Variants in KCNQ1 observed in about 807,000 individuals in gnomAD.
KCNQ1 encodes the protein potassium voltage-gated channel subfamily Q member 1, also known as potassium voltage-gated channel subfamily KQT member 1.
In KCNQ1, 49 loss-of-function variants were observed where a neutral mutation model predicts 72.4. That is an observed-to-expected ratio of 0.68 (90% CI 0.54 to 0.86). KCNQ1 has a LOEUF of 0.86. KCNQ1 is among the 40% of genes least tolerant of loss of function. The probability of loss-of-function intolerance (pLI) is 0.00; values close to 1 mark genes in which losing one functional copy is unlikely to be tolerated. For synonymous variants in KCNQ1, 450 were observed against 412.6 expected (o/e 1.09, Z -1.10); for missense variants, 790 against 945.1 (o/e 0.84, Z 2.15).
intron 15 of KCNQ1, among the ~76,000 whole-genome samples, chr11:2,804,912 CA>C (rs1369287913): frequency 2.0e-5 from 3 of 152,342 alleles, no homozygotes; most frequent in Non-Finnish European, 2.9e-5. Flanking sequence ...TGGCTCAGGT[CA>C]CCGGAACATG....
rs530399115 is a variant in KCNQ1 at position 2,746,200 on chromosome 11, A to AT, written c.1515-22636dup. ...GCACCATGCCCAGCCTCTTGCCGTC[A>AT]TTTTTTTTATTTTAAATAAACTTTG... On this transcript the variant is annotated intron_variant, in intron 11 of 15. Coordinates refer to ENST00000155840, the MANE Select transcript of KCNQ1 (RefSeq NM_000218.3). This position sits in a 1 kb window ranked among gnomAD's most constrained non-coding sequence, Gnocchi z 5.9. Among the ~76,000 whole-genome samples the AT allele has an allele frequency of 2.5e-3, 386 of 152,114 alleles. 2 individuals are homozygous for AT. Among genetic ancestry groups the AT allele is most frequent in the African/African-American group, 8.9e-3 (370 of 41,502 alleles).
intron 11 of KCNQ1, chr11:2,681,206 G>T (rs140575225): frequency 5.0e-6 from 2 of 398,484 alleles, no homozygotes; most frequent in African/African-American, 2.1e-5. Flanking sequence ...CAGTGTTTGT[G>T]TTCTATGAAG....
chr11:2,496,535 G>A (rs1303166775), intron 1 of KCNQ1, among the ~76,000 whole-genome samples: 3 of 18,052 alleles, frequency 1.7e-4, no homozygotes, highest in Non-Finnish European at 3.7e-4. Flanking sequence ...TCCATTGCTT[G>A]GTAAATATTC....
Position 2,493,371 on chromosome 11 carries a change from A to T in KCNQ1, c.387-34557A>T, listed in dbSNP as rs922330277. Among the ~76,000 whole-genome samples, 2 of 151,814 alleles carry T rather than the reference A, an allele frequency of 1.3e-5. No individual in the cohort carries two copies. The highest frequency in any genetic ancestry group is 2.9e-5 in the Non-Finnish European group (2 of 67,928). ...TTAGTTTAATTAGATCCCATTTGTC[A>T]ATTTTGGCTTTTGTTGCAATTGCTC... On this transcript the variant is annotated intron_variant, in intron 1 of 15. Transcript: ENST00000155840. The surrounding 1 kb of genome is among the most constrained non-coding windows in gnomAD (Gnocchi z 5.3).
intron 10 of KCNQ1, chr11:2,614,171 C>A: frequency 5.0e-6 from 2 of 398,536 alleles, no homozygotes; most frequent in Non-Finnish European, 8.8e-6. Context: ...GAATCTACCC[C>A]CAAGAGGTGA....
chr11:2,695,669 G>A lies in KCNQ1; in HGVS notation c.1514+33588G>A, dbSNP rs1179725638. 2.5e-6 allele frequency: 1 copy of A among 398,488 alleles called. No homozygotes were observed. The highest frequency in any genetic ancestry group is 2.1e-5 in the African/African-American group (1 of 48,612). The allele number at this position is 398,488 out of a possible 1,614,324, so 24.7% of individuals were successfully genotyped here. ...GGTATAAAATATTTTATTTGAGGAA[G>A]AAGTGTTGGCCAGCTCTTCAGAACG... On this transcript the variant is annotated intron_variant, in intron 11 of 15. Coordinates refer to ENST00000155840, the MANE Select transcript of KCNQ1 (RefSeq NM_000218.3). The surrounding 1 kb of genome is among the most constrained non-coding windows in gnomAD (Gnocchi z 5.2).
chr11:2,489,403 G>A (rs577540419), intron 1 of KCNQ1, among the ~76,000 whole-genome samples: 1 of 152,324 alleles, frequency 6.6e-6, no homozygotes, highest in African/African-American at 2.4e-5. Context: ...CAGAAACTGA[G>A]TTCCAGAAAA....
rs1057277528 is a variant in KCNQ1, at chr11:2,495,298, T to A, written c.387-32630T>A. Among the ~76,000 whole-genome samples the A allele has an allele frequency of 6.6e-6, 1 of 152,202 alleles. No homozygotes were observed. On this transcript the variant is annotated intron_variant, in intron 1 of 15. Transcript: ENST00000155840. The surrounding 1 kb of genome is among the most constrained non-coding windows in gnomAD (Gnocchi z 4.6). ...TTCAAAAAACCAGCTCCTGGATTCA[T>A]TGATTTTTTTGGAAGGGTTTTTCAT...
chr11:2,810,998 C>T (rs1847474483), intron 15 of KCNQ1, among the ~76,000 whole-genome samples: 2 of 152,232 alleles, frequency 1.3e-5, no homozygotes, highest in Non-Finnish European at 2.9e-5. Flanking sequence ...GGACTCCCGC[C>T]TTCCCAGCAT....
chr11:2,450,649 C>T lies in KCNQ1; in HGVS notation c.386+5165C>T, dbSNP rs758296798. On this transcript the variant is annotated intron_variant, in intron 1 of 15. Transcript: ENST00000155840. This position sits in a 1 kb window ranked among gnomAD's most constrained non-coding sequence, Gnocchi z 7.9. ...GTGAGACCGTCCTGGCCTCCACACCCCTTCCTGGTGGGTAGCTGTCTCTCT... is the reference window on the plus strand; with the variant it reads ...GTGAGACCGTCCTGGCCTCCACACCTCTTCCTGGTGGGTAGCTGTCTCTCT... 2.6e-5 allele frequency among the ~76,000 whole-genome samples: 4 copies of T among 152,088 alleles called. No homozygotes were observed. The highest frequency in any genetic ancestry group is 5.9e-5 in the Non-Finnish European group (4 of 68,006).
chr11:2,848,489 A>G lies in KCNQ1; in HGVS notation c.*486A>G, dbSNP rs938180265. 24 of 456,844 alleles carry G rather than the reference A, an allele frequency of 5.3e-5. No individual in the cohort carries two copies. Among genetic ancestry groups the G allele is most frequent in the Non-Finnish European group, 1.0e-4 (23 of 228,718 alleles). The allele number at this position is 456,844 out of a possible 1,614,324, so 28.3% of individuals were successfully genotyped here. The stretch of plus-strand genomic sequence containing the variant: ...CACGCTGACTACAGGGCCGCCGGCA[A>G]TAAAAGCCCAGGAGCCCATTTGGAG... On this transcript the variant is annotated 3_prime_UTR_variant, in exon 16 of 16. Coordinates refer to ENST00000155840, the MANE Select transcript of KCNQ1 (RefSeq NM_000218.3).
chr11:2,690,695 T>C lies in KCNQ1; in HGVS notation c.1514+28614T>C, dbSNP rs759536527. 2.5e-5 allele frequency: 10 copies of C among 398,548 alleles called. No individual in the cohort carries two copies. Among genetic ancestry groups the C allele is most frequent in the Non-Finnish European group, 3.5e-5 (8 of 226,096 alleles). 24.7% of individuals were successfully genotyped at this position (398,548 alleles called of 1,614,324 possible). A position where few individuals can be genotyped will look rare whatever the true frequency, so the allele number is the denominator to read the frequency against. The stretch of plus-strand genomic sequence containing the variant: ...TAGGTATAGGGGCTGTCTCTCAGAA[T>C]TCCTGAGGGCTTTCCATTTGATCCC... On this transcript the variant is annotated intron_variant, in intron 11 of 15. Coordinates refer to ENST00000155840, the MANE Select transcript of KCNQ1 (RefSeq NM_000218.3). The surrounding 1 kb of genome is among the most constrained non-coding windows in gnomAD (Gnocchi z 5.1).
At chr11:2,480,194 C>G (rs1020606668) in intron 1 of KCNQ1, among the ~76,000 whole-genome samples, 1 of 152,188 alleles carries the variant, frequency 6.6e-6, no homozygotes, top group Non-Finnish European at 1.5e-5. Context: ...CAACCTCTGC[C>G]TCTTACCCAG....
At position 2,677,339 on chromosome 11, in the gene KCNQ1, AG is replaced by A. The variant is rs1437278054; in HGVS notation, c.1514+15259del. ...AATGATGTCAAATGATTTCTCAAAT[AG>A]AGACTGGGCAGAGTAGACCAGTTAG... On this transcript the variant is annotated intron_variant, in intron 11 of 15. Coordinates refer to ENST00000155840, the MANE Select transcript of KCNQ1 (RefSeq NM_000218.3). The surrounding 1 kb of genome is among the most constrained non-coding windows in gnomAD (Gnocchi z 4.5). The A allele has an allele frequency of 7.5e-6, 3 of 398,532 alleles. No homozygotes were observed. The highest frequency in any genetic ancestry group is 1.3e-5 in the Non-Finnish European group (3 of 226,072). The allele number at this position is 398,532 out of a possible 1,614,324, so 24.7% of individuals were successfully genotyped here.
rs1024680870 is a variant in KCNQ1, at chr11:2,550,790, A to C, written c.478-19838A>C. On this transcript the variant is annotated intron_variant, in intron 2 of 15. Coordinates refer to ENST00000155840, the MANE Select transcript of KCNQ1 (RefSeq NM_000218.3). The surrounding 1 kb of genome is among the most constrained non-coding windows in gnomAD (Gnocchi z 6.0). ...CAAATAGGGCTGGAGTCCCGAGTACAAGGCATGGACAGGAGCCAGGCTTCA... is the reference window on the plus strand; with the variant it reads ...CAAATAGGGCTGGAGTCCCGAGTACCAGGCATGGACAGGAGCCAGGCTTCA... Among the ~76,000 whole-genome samples, 2 of 152,094 alleles carry C rather than the reference A, an allele frequency of 1.3e-5. No homozygotes were observed. Among genetic ancestry groups the C allele is most frequent in the African/African-American group, 4.8e-5 (2 of 41,406 alleles).
At chr11:2,519,318 G>A (rs75084489) in intron 1 of KCNQ1, among the ~76,000 whole-genome samples, 2,400 of 152,340 alleles carry the variant, frequency 0.016, 27 homozygotes, top group Non-Finnish European at 0.023. Context: ...TGAGAGAGGC[G>A]TCCCTGTGCT....
chr11:2,784,178 G>A lies in KCNQ1; in HGVS notation c.1794+6141G>A, dbSNP rs1337461808. ...ATATTTACTTTGAGGTAATTTTGGG[G>A]TATGATATGAAGTAAAGTCTAGATT... On this transcript the variant is annotated intron_variant, in intron 15 of 15. Coordinates refer to ENST00000155840, the MANE Select transcript of KCNQ1 (RefSeq NM_000218.3). The surrounding 1 kb of genome is among the most constrained non-coding windows in gnomAD (Gnocchi z 4.7). Among the ~76,000 whole-genome samples the A allele has an allele frequency of 1.3e-5, 2 of 151,842 alleles. No homozygotes were observed. Among genetic ancestry groups the A allele is most frequent in the Admixed American group, 6.6e-5 (1 of 15,262 alleles).
intron 10 of KCNQ1, chr11:2,609,054 G>A (rs1848931734): frequency 2.5e-6 from 1 of 397,746 alleles, no homozygotes; most frequent in South Asian, 1.3e-4. Flanking sequence ...TTATTATTTT[G>A]TTTTTTCTAC....
rs975523422 is a variant in KCNQ1, at chr11:2,715,481, A to G, written c.1515-53363A>G. Among the ~76,000 whole-genome samples, 2 of 152,024 alleles carry G rather than the reference A, an allele frequency of 1.3e-5. No homozygotes were observed. The highest frequency in any genetic ancestry group is 4.8e-5 in the African/African-American group (2 of 41,404). The stretch of plus-strand genomic sequence containing the variant: ...CCTGCAGCCTGGCTCAGGCAGGGGC[A>G]TGTGTGAAGGCCCAGGGGGAAGAGA... On this transcript the variant is annotated intron_variant, in intron 11 of 15. Coordinates refer to ENST00000155840, the MANE Select transcript of KCNQ1 (RefSeq NM_000218.3). The surrounding 1 kb of genome is among the most constrained non-coding windows in gnomAD (Gnocchi z 4.9).
Sources: allele counts gnomAD v4.1 joint callset (sites outside exome capture counted in the v4.1 genomes callset), GRCh38; gene constraint gnomAD v4.1.1; non-coding constraint Gnocchi (gnomAD v3.1); transcripts MANE v1.5; gene names NCBI Gene and HGNC (gene_info 2026-07-23, HGNC 2026-07-21).